CLMN: variants seen among roughly 807,000 people sequenced by gnomAD.
The protein encoded by CLMN is calmin, also known as calmin (calponin-like, transmembrane).
A neutral mutation model predicts 92.7 loss-of-function variants in CLMN; 57 were observed. That is an observed-to-expected ratio of 0.61 (90% CI 0.50 to 0.77). The LOEUF is 0.77. Ranked by LOEUF, CLMN falls within the 30% of genes least tolerant of loss-of-function variation. The probability of loss-of-function intolerance (pLI) is 0.00; values close to 1 mark genes in which losing one functional copy is unlikely to be tolerated. For missense variants in CLMN, 1,158 were observed against 1,237.5 expected, an observed-to-expected ratio of 0.94 and a Z score of 0.96; for synonymous variants, 466 against 470.6, an observed-to-expected ratio of 0.99 and a Z score of 0.13.
chr14:95,245,649 T>C (rs1898526347), intron 1 of CLMN, among the ~76,000 whole-genome samples: 2 of 135,002 alleles, frequency 1.5e-5, no homozygotes, highest in Admixed American at 8.0e-5. Context: ...GATGGATGGA[T>C]GAATGGATAG....
At chr14:95,263,353 A>G (rs1033644098) in intron 1 of CLMN, among the ~76,000 whole-genome samples, 4 of 151,886 alleles carry the variant, frequency 2.6e-5, no homozygotes, top group Non-Finnish European at 5.9e-5. Flanking sequence ...TGATTCAATT[A>G]CCTCCCGCCA....
In CLMN at chr14:95,319,303, T is replaced by TCACA. The variant is rs60670197; in HGVS notation, c.82+404_82+407dup. On this transcript the variant is annotated intron_variant, in intron 1 of 12. Coordinates refer to ENST00000298912, the MANE Select transcript of CLMN (RefSeq NM_024734.4). ...GAAGGTACTTAGGAAGTGCGCGAAC[T>TCACA]CACACACACACACACACACACACAC... Among the ~76,000 whole-genome samples, 1,268 of 144,186 alleles carry TCACA rather than the reference T, an allele frequency of 8.8e-3. 16 individuals are homozygous for TCACA. The highest frequency in any genetic ancestry group is 0.024 in the Middle Eastern group (7 of 286). 94.6% of individuals were successfully genotyped at this position (144,186 alleles called of 152,430 possible).
In CLMN at chr14:95,223,375, G is replaced by C. The variant is rs143805296; in HGVS notation, c.240+385C>G. On this transcript the variant is annotated intron_variant, in intron 3 of 12. Transcript: ENST00000298912. The stretch of plus-strand genomic sequence containing the variant: ...CAGTCATACTTAAAAGAATGTTCTA[G>C]AAGCCAGCAGTTCTAGGGTGCTTAG... Among the ~76,000 whole-genome samples the C allele has an allele frequency of 2.6e-3, 402 of 152,284 alleles. 2 individuals are homozygous for C. Among genetic ancestry groups the C allele is most frequent in the African/African-American group, 9.2e-3 (383 of 41,550 alleles).
At chr14:95,250,764 G>C (rs1294049153) in intron 1 of CLMN, among the ~76,000 whole-genome samples, 1 of 152,290 alleles carries the variant, frequency 6.6e-6, no homozygotes, top group East Asian at 1.9e-4. Context: ...TCTTACTTCA[G>C]GTACAAAGAA....
At chr14:95,206,877 A>G (rs1897059065) in intron 8 of CLMN, among the ~76,000 whole-genome samples, 1 of 152,240 alleles carries the variant, frequency 6.6e-6, no homozygotes, top group Non-Finnish European at 1.5e-5. Flanking sequence ...GCTCAGGGCT[A>G]ATGAAAGCCC....
intron 4 of CLMN, among the ~76,000 whole-genome samples, chr14:95,220,435 C>T (rs1173093224): frequency 6.6e-6 from 1 of 152,156 alleles, no homozygotes; most frequent in Admixed American, 6.5e-5. Flanking sequence ...CCTCGGCCTC[C>T]CAAAGTGCTG....
chr14:95,246,269 C>G (rs1898566953), intron 1 of CLMN, among the ~76,000 whole-genome samples: 1 of 152,190 alleles, frequency 6.6e-6, no homozygotes, highest in South Asian at 2.1e-4. Context: ...AGGGACAGCC[C>G]CTATGCTCAG....
chr14:95,226,445 A>T (rs568462382), intron 2 of CLMN, among the ~76,000 whole-genome samples: 1 of 152,046 alleles, frequency 6.6e-6, no homozygotes, highest in East Asian at 1.9e-4. Flanking sequence ...AGAAGGAGGG[A>T]TGACTACATT....
At chr14:95,292,165 C>T (rs1376227960) in intron 1 of CLMN, among the ~76,000 whole-genome samples, 2 of 152,172 alleles carry the variant, frequency 1.3e-5, no homozygotes, top group African/African-American at 4.8e-5. Context: ...ACACCCTCTA[C>T]ACCATTTATG....
Position 95,251,586 on chromosome 14 carries a change from GTAT to G in CLMN, c.83-21456_83-21454del, listed in dbSNP as rs1047638402. Among the ~76,000 whole-genome samples, 21 of 152,192 alleles carry G rather than the reference GTAT, an allele frequency of 1.4e-4. 1 individual carries two copies. Among genetic ancestry groups the G allele is most frequent in the Non-Finnish European group, 7.3e-5 (5 of 68,042 alleles). On this transcript the variant is annotated intron_variant, in intron 1 of 12. Coordinates refer to ENST00000298912, the MANE Select transcript of CLMN (RefSeq NM_024734.4). Reference sequence around the variant, plus strand: ...ATGGCTCTGGGCACTTGAGAGATAGGTATTATTATCTCTGTTTTGTAGAGGAGG... The same window carrying G: ...ATGGCTCTGGGCACTTGAGAGATAGGTATTATCTCTGTTTTGTAGAGGAGG...
intron 1 of CLMN, among the ~76,000 whole-genome samples, chr14:95,316,603 G>A (rs999295734): frequency 3.9e-5 from 6 of 152,246 alleles, no homozygotes; most frequent in African/African-American, 7.2e-5. Context: ...ATGGATTTCA[G>A]AATCCTACAG....
intron 1 of CLMN, among the ~76,000 whole-genome samples, chr14:95,254,560 C>A (rs551132013): frequency 7.2e-5 from 11 of 152,150 alleles, no homozygotes; most frequent in African/African-American, 2.7e-4. Flanking sequence ...TCCCTGCGTG[C>A]GTTATGAGGC....
intron 1 of CLMN, 50 bp from the exon 2 acceptor site, chr14:95,230,183 A>G (rs1221616476): frequency 6.6e-7 from 1 of 1,526,128 alleles, no homozygotes; most frequent in East Asian, 2.2e-5. Flanking sequence ...GTATGTGCAA[A>G]ATCACACCTT....
At chr14:95,309,087 AAC>A (rs1901415369) in intron 1 of CLMN, among the ~76,000 whole-genome samples, 1 of 152,198 alleles carries the variant, frequency 6.6e-6, no homozygotes, top group South Asian at 2.1e-4. Flanking sequence ...GGAGGTTGGA[AAC>A]ACAGACGACA....
At chr14:95,274,616 C>A (rs1041521247) in intron 1 of CLMN, among the ~76,000 whole-genome samples, 1 of 152,200 alleles carries the variant, frequency 6.6e-6, no homozygotes, top group African/African-American at 2.4e-5. Context: ...CATCTCTAAA[C>A]CCTGTGTGGC....
rs1021545208 is a variant in CLMN at position 95,238,373 on chromosome 14, A to G, written c.83-8240T>C. The stretch of plus-strand genomic sequence containing the variant: ...ACCAGGCCAACGTCCTTCGGTTCCG[A>G]CTCTTTGGGGCCACTTCCCCCATCG... On this transcript the variant is annotated intron_variant, in intron 1 of 12. Transcript: ENST00000298912. Among the ~76,000 whole-genome samples the G allele has an allele frequency of 2.4e-4, 36 of 151,722 alleles. 2 individuals are homozygous for G. Among genetic ancestry groups the G allele is most frequent in the Non-Finnish European group, 2.9e-5 (2 of 67,936 alleles).
intron 1 of CLMN, among the ~76,000 whole-genome samples, chr14:95,285,019 A>G (rs1186723814): frequency 6.6e-6 from 1 of 152,096 alleles, no homozygotes; most frequent in Non-Finnish European, 1.5e-5. Flanking sequence ...GGAGGGACCC[A>G]GGGGGAGGTA....
chr14:95,314,625 C>T (rs1407538296), intron 1 of CLMN, among the ~76,000 whole-genome samples: 2 of 152,216 alleles, frequency 1.3e-5, no homozygotes, highest in Non-Finnish European at 2.9e-5. Context: ...AGCCAGGACC[C>T]TGGCTCAGGC....
chr14:95,197,967 T>C (rs1044874002), intron 9 of CLMN, among the ~76,000 whole-genome samples: 3 of 152,158 alleles, frequency 2.0e-5, no homozygotes, highest in African/African-American at 7.2e-5. Context: ...AGAGGGCTTA[T>C]TTATTTTTTC....
Sources: gnomAD v4.1 joint callset for allele counts (sites outside exome capture counted in the v4.1 genomes callset) on GRCh38, gnomAD v4.1.1 for gene constraint, MANE v1.5 for transcripts, NCBI Gene and HGNC (gene_info 2026-07-23, HGNC 2026-07-21) for gene names.